The following HS6ST3 variants were observed in gnomAD, a reference collection of about 807,000 sequenced individuals.
The protein encoded by HS6ST3 is heparan-sulfate 6-O-sulfotransferase 3.
Under a neutral mutation model 36.7 loss-of-function variants are expected in HS6ST3, and 12 were observed. The ratio of observed to expected loss-of-function variants is 0.33; its 90% CI spans 0.21 to 0.53. HS6ST3 has a LOEUF of 0.53. Among genes scored for constraint, HS6ST3 ranks in the 20% least tolerant of loss-of-function variants. The pLI is 0.95. For missense variants in HS6ST3, 584 were observed against 640.9 expected, an observed-to-expected ratio of 0.91 and a Z score of 0.96; for synonymous variants, 240 against 257.5, an observed-to-expected ratio of 0.93 and a Z score of 0.65.
At chr13:96,410,793 A>T (rs1294262995) in intron 1 of HS6ST3, among the ~76,000 whole-genome samples, 1 of 152,250 alleles carries the variant, frequency 6.6e-6, no homozygotes, top group Admixed American at 6.5e-5. Flanking sequence ...CAGATAAATA[A>T]CAAGACTGGA....
At chr13:96,432,870 A>G (rs1294498786) in intron 1 of HS6ST3, among the ~76,000 whole-genome samples, 1 of 152,216 alleles carries the variant, frequency 6.6e-6, no homozygotes, top group African/African-American at 2.4e-5. Context: ...ATTAGTACCA[A>G]TAAAACCATA....
chr13:96,586,168 G>T (rs1377586176), intron 1 of HS6ST3, among the ~76,000 whole-genome samples: 2 of 152,030 alleles, frequency 1.3e-5, no homozygotes, highest in Non-Finnish European at 2.9e-5. Context: ...TGTCTTGCTA[G>T]TATCTTTTGT....
At chr13:96,783,646 ACAGGATGGAGC>A (rs1566452832) in intron 1 of HS6ST3, among the ~76,000 whole-genome samples, 2 of 151,014 alleles carry the variant, frequency 1.3e-5, no homozygotes, top group Non-Finnish European at 2.9e-5. Flanking sequence ...TCATTTATGG[ACAGGATGGAGC>A]CACTTCAGGT....
chr13:96,653,210 TA>T lies in HS6ST3; in HGVS notation c.708-179279del, dbSNP rs201777859. The stretch of plus-strand genomic sequence containing the variant: ...TGGCATGTGTTTGATTCTTTTTATA[TA>T]TTTTTTTTATTTTTATACTTTAAGT... On this transcript the variant is annotated intron_variant, in intron 1 of 1. Coordinates refer to ENST00000376705, the MANE Select transcript of HS6ST3 (RefSeq NM_153456.4). 6.4e-3 allele frequency among the ~76,000 whole-genome samples: 980 copies of T among 152,118 alleles called. 6 individuals are homozygous for T. The highest frequency in any genetic ancestry group is 0.029 in the East Asian group (151 of 5,170).
intron 1 of HS6ST3, among the ~76,000 whole-genome samples, chr13:96,458,404 G>A (rs909027566): frequency 1.3e-5 from 2 of 152,074 alleles, no homozygotes; most frequent in Admixed American, 6.6e-5. Flanking sequence ...ATCCAGAGAA[G>A]TTTTTCTTAG....
At chr13:96,182,994 G>A (rs1241824952) in intron 1 of HS6ST3, among the ~76,000 whole-genome samples, 1 of 152,152 alleles carries the variant, frequency 6.6e-6, no homozygotes, top group Admixed American at 6.5e-5. Flanking sequence ...CTCCTCCTGG[G>A]TGAATTAAAG....
chr13:96,705,372 A>C, intron 1 of HS6ST3, among the ~76,000 whole-genome samples: 1 of 152,228 alleles, frequency 6.6e-6, no homozygotes, highest in African/African-American at 2.4e-5. Context: ...GACAAGAGTC[A>C]GGTTAACTCT....
rs1054634050 is a variant in HS6ST3, at chr13:96,669,542, A to G, written c.708-162948A>G. ...TTAAGTCTCTTCAACAATGGCTTAA[A>G]CTCATATCTTCTTATTTAATTTCTA... On this transcript the variant is annotated intron_variant, in intron 1 of 1. Coordinates refer to ENST00000376705, the MANE Select transcript of HS6ST3 (RefSeq NM_153456.4). Among the ~76,000 whole-genome samples, 3 of 152,050 alleles carry G rather than the reference A, an allele frequency of 2.0e-5. 1 individual carries two copies. Among genetic ancestry groups the G allele is most frequent in the African/African-American group, 7.2e-5 (3 of 41,406 alleles).
intron 1 of HS6ST3, among the ~76,000 whole-genome samples, chr13:96,656,393 T>C (rs1170323420): frequency 6.6e-6 from 1 of 152,200 alleles, no homozygotes; most frequent in African/African-American, 2.4e-5. Context: ...CCTCATTTTA[T>C]TTCTGTCACA....
At chr13:96,162,917 T>G (rs529332105) in intron 1 of HS6ST3, among the ~76,000 whole-genome samples, 31 of 152,312 alleles carry the variant, frequency 2.0e-4, no homozygotes, top group South Asian at 1.0e-3. Flanking sequence ...TTTGTTGTTG[T>G]TCTACCATCC....
intron 1 of HS6ST3, among the ~76,000 whole-genome samples, chr13:96,217,793 T>C (rs1416424403): frequency 2.0e-5 from 3 of 152,200 alleles, no homozygotes; most frequent in Non-Finnish European, 4.4e-5. Context: ...TGCATGCATA[T>C]GCATATACAT....
At chr13:96,280,272 A>G (rs755522405) in intron 1 of HS6ST3, among the ~76,000 whole-genome samples, 4 of 152,084 alleles carry the variant, frequency 2.6e-5, no homozygotes, top group East Asian at 1.9e-4. Flanking sequence ...CTTCTTGGCC[A>G]TATGTTCTAG....
intron 1 of HS6ST3, among the ~76,000 whole-genome samples, chr13:96,529,681 A>G (rs532779587): frequency 1.4e-4 from 21 of 152,308 alleles, no homozygotes; most frequent in African/African-American, 4.8e-4. Context: ...CAAATGTGCC[A>G]TAATTCATTT....
chr13:96,595,285 A>G lies in HS6ST3; in HGVS notation c.708-237205A>G, dbSNP rs189568249. Among the ~76,000 whole-genome samples the G allele has an allele frequency of 7.2e-5, 11 of 152,234 alleles. No individual in the cohort carries two copies. The East Asian group carries it at 1.9e-3, about 27-fold the overall frequency. ...TGGTCTCAAACTCCTGGCCTCAAGT[A>G]ATACTCCTGTCTTGGCCTTGCTAAG... On this transcript the variant is annotated intron_variant, in intron 1 of 1. Coordinates refer to ENST00000376705, the MANE Select transcript of HS6ST3 (RefSeq NM_153456.4).
At chr13:96,272,821 C>A (rs956083190) in intron 1 of HS6ST3, among the ~76,000 whole-genome samples, 1 of 151,896 alleles carries the variant, frequency 6.6e-6, no homozygotes, top group African/African-American at 2.4e-5. Context: ...TTAACTCTGG[C>A]AGTTCTTAAA....
At chr13:96,348,892 C>CAGCT (rs1329791846) in intron 1 of HS6ST3, among the ~76,000 whole-genome samples, 1 of 152,200 alleles carries the variant, frequency 6.6e-6, no homozygotes, top group Non-Finnish European at 1.5e-5. Flanking sequence ...TCACATGTGG[C>CAGCT]AGCTGAGTTT....
chr13:96,488,080 GT>G (rs1399693597), intron 1 of HS6ST3, among the ~76,000 whole-genome samples: 1 of 152,058 alleles, frequency 6.6e-6, no homozygotes, highest in Non-Finnish European at 1.5e-5. Flanking sequence ...TTTGCAAAAT[GT>G]TTCATTTTTA....
intron 1 of HS6ST3, among the ~76,000 whole-genome samples, chr13:96,180,684 T>C (rs528030111): frequency 6.6e-6 from 1 of 152,352 alleles, no homozygotes; most frequent in African/African-American, 2.4e-5. Flanking sequence ...TGGAATAACT[T>C]ATTTAGTTCT....
intron 1 of HS6ST3, among the ~76,000 whole-genome samples, chr13:96,137,075 A>G (rs1236651574): frequency 6.6e-6 from 1 of 152,096 alleles, no homozygotes; most frequent in Non-Finnish European, 1.5e-5. Context: ...TCAAATATGT[A>G]GTATGTTTTG....
Sources: allele counts gnomAD v4.1 joint callset (sites outside exome capture counted in the v4.1 genomes callset), GRCh38; gene constraint gnomAD v4.1.1; transcripts MANE v1.5; gene names NCBI Gene and HGNC (gene_info 2026-07-23, HGNC 2026-07-21).